SLCO1B1: variants seen among roughly 807,000 people sequenced by gnomAD.
The protein encoded by SLCO1B1 is OATP-2.
A neutral mutation model predicts 70.1 loss-of-function variants in SLCO1B1; 81 were observed. The ratio of observed to expected loss-of-function variants is 1.16; its 90% confidence interval spans 0.97 to 1.39. SLCO1B1 has a LOEUF of 1.39. SLCO1B1 is among the 40% of genes most tolerant of loss of function. The pLI, the probability that SLCO1B1 is intolerant of heterozygous loss-of-function variation, is 0.00. For missense variants in SLCO1B1, 895 were observed against 799.6 expected (o/e 1.12, Z -1.44); for synonymous variants, 283 against 271.5 (o/e 1.04, Z -0.42).
intron 14 of SLCO1B1, among the ~76,000 whole-genome samples, chr12:21,237,583 T>G (rs899072727): frequency 6.6e-6 from 1 of 152,170 alleles, no homozygotes; most frequent in Non-Finnish European, 1.5e-5. Context: ...CAATAATAAC[T>G]TATTTGTATA....
intron 2 of SLCO1B1, among the ~76,000 whole-genome samples, chr12:21,170,143 T>A (rs1313610411): frequency 6.6e-6 from 1 of 152,186 alleles, no homozygotes; most frequent in African/African-American, 2.4e-5. Flanking sequence ...CGCATTTTTA[T>A]TAGTACTTGA....
intron 3 of SLCO1B1, 147 bp downstream of exon 3, chr12:21,172,938 C>A: frequency 2.7e-6 from 2 of 750,242 alleles, no homozygotes; most frequent in Non-Finnish European, 2.2e-6. Context: ...CATAACTGCA[C>A]AGGGGTTGGG....
intron 4 of SLCO1B1, among the ~76,000 whole-genome samples, chr12:21,176,387 T>C (rs1940821558): frequency 6.6e-6 from 1 of 152,142 alleles, no homozygotes; most frequent in African/African-American, 2.4e-5. Flanking sequence ...TGTGTGAATA[T>C]GTGTCCATGA....
rs1011764892 is a variant in SLCO1B1 at position 21,178,559 on chromosome 12, C to T, written c.482-17C>T. The T allele has an allele frequency of 1.9e-6, 3 of 1,561,434 alleles. No individual in the cohort carries two copies. The highest frequency in any genetic ancestry group is 1.4e-5 in the African/African-American group (1 of 73,922). ...TAAAATTAATGTTTAAAATGAAACA[C>T]TCTCTTATCTACATAGGTTGTTTAA... On this transcript the variant is annotated splice_polypyrimidine_tract_variant and intron_variant, in intron 5 of 14. Transcript: ENST00000256958.
intron 11 of SLCO1B1, among the ~76,000 whole-genome samples, chr12:21,211,531 T>C (rs201031114): frequency 0.1 from 15,759 of 151,632 alleles, 1,058 homozygotes; most frequent in East Asian, 0.26. Flanking sequence ...TCTTTTTTTG[T>C]TGTGTCTCTG....
chr12:21,160,727 A>G (rs1233174685), intron 2 of SLCO1B1, among the ~76,000 whole-genome samples: 1 of 152,212 alleles, frequency 6.6e-6, no homozygotes, highest in Non-Finnish European at 1.5e-5. Flanking sequence ...ATAAACAGAC[A>G]TCCTACAGAA....
At chr12:21,176,977 A>G in intron 5 of SLCO1B1, 80 bp downstream of exon 5, 1 of 1,072,216 alleles carries the variant, frequency 9.3e-7, no homozygotes, top group African/African-American at 1.6e-5. Flanking sequence ...TGTGATATTC[A>G]TTAGCAAAAT....
At chr12:21,225,965 C>A (rs1454726914) in intron 14 of SLCO1B1, among the ~76,000 whole-genome samples, 1 of 152,120 alleles carries the variant, frequency 6.6e-6, no homozygotes, top group African/African-American at 2.4e-5. Flanking sequence ...AAAATGGAAG[C>A]AAACAAGATG....
At chr12:21,233,466 T>A (rs1373562465) in intron 14 of SLCO1B1, among the ~76,000 whole-genome samples, 1 of 151,688 alleles carries the variant, frequency 6.6e-6, no homozygotes. Context: ...CCCTAAAATC[T>A]TCTTGATTGA....
At chr12:21,189,537 T>C (rs1352385009) in intron 7 of SLCO1B1, among the ~76,000 whole-genome samples, 2 of 152,122 alleles carry the variant, frequency 1.3e-5, no homozygotes, top group Non-Finnish European at 2.9e-5. Context: ...AATCTCTGCC[T>C]GCCAGGTTCC....
chr12:21,214,531 C>A (rs1591823641), intron 11 of SLCO1B1, among the ~76,000 whole-genome samples: 1 of 150,754 alleles, frequency 6.6e-6, no homozygotes, highest in Non-Finnish European at 1.5e-5. Flanking sequence ...CTGTGCCCTG[C>A]CCCCAGAGGT....
intron 2 of SLCO1B1, among the ~76,000 whole-genome samples, chr12:21,159,227 T>C (rs966669060): frequency 6.6e-6 from 1 of 152,120 alleles, no homozygotes; most frequent in African/African-American, 2.4e-5. Flanking sequence ...TTTTGAACAG[T>C]TTAGCATATT....
At chr12:21,193,382 G>A (rs558494424) in intron 7 of SLCO1B1, among the ~76,000 whole-genome samples, 15 of 152,210 alleles carry the variant, frequency 9.9e-5, no homozygotes, top group Admixed American at 7.8e-4. Context: ...GGTATCCATA[G>A]GGAGTCCTAG....
intron 4 of SLCO1B1, among the ~76,000 whole-genome samples, chr12:21,175,462 T>C (rs4149039): frequency 1.3e-5 from 2 of 151,974 alleles, no homozygotes; most frequent in Admixed American, 6.6e-5. Context: ...TTATTCCAAG[T>C]TACCAAGTTC....
intron 5 of SLCO1B1, among the ~76,000 whole-genome samples, chr12:21,177,624 A>C (rs1322674946): frequency 1.3e-5 from 2 of 152,126 alleles, no homozygotes; most frequent in Non-Finnish European, 2.9e-5. Context: ...CATTATCAAT[A>C]TATGTTAAGA....
At chr12:21,193,042 T>C (rs1941048408) in intron 7 of SLCO1B1, among the ~76,000 whole-genome samples, 1 of 152,166 alleles carries the variant, frequency 6.6e-6, no homozygotes, top group African/African-American at 2.4e-5. Flanking sequence ...CCAGTTTTAT[T>C]CCATTGTAGT....
At chr12:21,152,363 T>C (rs943910869) in intron 2 of SLCO1B1, among the ~76,000 whole-genome samples, 1 of 151,798 alleles carries the variant, frequency 6.6e-6, no homozygotes, top group Non-Finnish European at 1.5e-5. Flanking sequence ...CCTTTCTGTA[T>C]CTGAGTTTGG....
intron 10 of SLCO1B1, among the ~76,000 whole-genome samples, chr12:21,204,035 G>A (rs1174487994): frequency 6.6e-6 from 1 of 151,826 alleles, no homozygotes; most frequent in African/African-American, 2.4e-5. Context: ...TAAATATTAA[G>A]GATATTTGTA....
At chr12:21,131,399 G>A (rs1411856559) in intron 1 of SLCO1B1, among the ~76,000 whole-genome samples, 163 bp downstream of exon 1, 1 of 151,936 alleles carries the variant, frequency 6.6e-6, no homozygotes, top group South Asian at 2.1e-4. Context: ...TTCCTTCTGG[G>A]AGTAGAAGAG....
Sources: gnomAD v4.1 joint callset for allele counts (sites outside exome capture counted in the v4.1 genomes callset) on GRCh38, gnomAD v4.1.1 for gene constraint, MANE v1.5 for transcripts, NCBI Gene and HGNC (gene_info 2026-07-23, HGNC 2026-07-21) for gene names.